Variants in MTARC1 observed in about 807,000 individuals in gnomAD.
MTARC1 encodes mitochondrial amidoxime reducing component 1, also known as mitochondrial amidoxime-reducing component 1.
MTARC1 carries 24 observed loss-of-function variants against 33.6 expected under a neutral mutation model. The observed-to-expected ratio is 0.72, with a 90% CI of 0.52 to 1.01. MTARC1 has a LOEUF of 1.01. Ranked by LOEUF, MTARC1 falls within the 50% of genes least tolerant of loss-of-function variation. MTARC1 has a pLI of 0.00. For synonymous variants in MTARC1, 187 were observed against 189.5 expected, an observed-to-expected ratio of 0.99 and a Z score of 0.11; for missense variants, 417 against 445.7, an observed-to-expected ratio of 0.94 and a Z score of 0.58.
Position 220,789,646 on chromosome 1 carries a change from A to G in MTARC1, c.276-1845A>G, listed in dbSNP as rs116362796. Among the ~76,000 whole-genome samples the G allele has an allele frequency of 3.5e-3, 536 of 152,358 alleles. 1 individual carries two copies. The highest frequency in any genetic ancestry group is 0.01 in the Middle Eastern group (3 of 294). Reference sequence around the variant, plus strand: ...ATTATGATGTTATTCACAGTAGCCAAAAGGTGGAAACAACTAAGTGTCCAT... The same window carrying G: ...ATTATGATGTTATTCACAGTAGCCAGAAGGTGGAAACAACTAAGTGTCCAT... On this transcript the variant is annotated intron_variant, in intron 1 of 6. Coordinates refer to ENST00000366910, the MANE Select transcript of MTARC1 (RefSeq NM_022746.4).
In MTARC1 at chr1:220,815,999, G is replaced by C. The variant is rs934443812; in HGVS notation, c.*2581G>C. 1 of 152,278 alleles carries C rather than the reference G, an allele frequency of 6.6e-6. No homozygotes were observed. Among genetic ancestry groups the C allele is most frequent in the African/African-American group, 2.4e-5 (1 of 41,452 alleles). The allele number at this position is 152,278 out of a possible 1,614,324, so 9.4% of individuals were successfully genotyped here. A position where few individuals can be genotyped will look rare whatever the true frequency, so the allele number is the denominator to read the frequency against. ...AGAAACTTCCAACCGAAAGACGAGG[G>C]CAGCAACTTATACACACGAAGGCAG... On this transcript the variant is annotated 3_prime_UTR_variant, in exon 7 of 7. Transcript: ENST00000366910.
chr1:220,804,737 C>T (rs1434574744), intron 4 of MTARC1, among the ~76,000 whole-genome samples: 1 of 144,474 alleles, frequency 6.9e-6, no homozygotes, highest in Non-Finnish European at 1.5e-5. Context: ...ACTTTGTGCA[C>T]CCCACCCCCC....
At chr1:220,808,273 G>C (rs538971592) in intron 6 of MTARC1, among the ~76,000 whole-genome samples, 3 of 152,346 alleles carry the variant, frequency 2.0e-5, no homozygotes, top group South Asian at 4.1e-4. Flanking sequence ...CCTAAACACA[G>C]AGTGAGGGTG....
At chr1:220,787,295 A>T in intron 1 of MTARC1, 76 bp downstream of exon 1, 1 of 1,430,882 alleles carries the variant, frequency 7.0e-7, no homozygotes, top group Non-Finnish European at 9.1e-7. Flanking sequence ...AGCGCAGGGG[A>T]GGTCTGCAGA....
intron 2 of MTARC1, among the ~76,000 whole-genome samples, chr1:220,791,893 T>C (rs1171074504): frequency 1.3e-5 from 2 of 152,132 alleles, no homozygotes; most frequent in Non-Finnish European, 1.5e-5. Context: ...GAAAGTGCTA[T>C]GTAGAAACCC....
chr1:220,800,622 C>T (rs1672762727), intron 4 of MTARC1, among the ~76,000 whole-genome samples: 1 of 151,820 alleles, frequency 6.6e-6, no homozygotes, highest in South Asian at 2.1e-4. Flanking sequence ...GTTTTTAAGA[C>T]CTTCTCTGCC....
intron 6 of MTARC1, among the ~76,000 whole-genome samples, chr1:220,810,618 C>G (rs540917992): frequency 6.6e-6 from 1 of 152,254 alleles, no homozygotes; most frequent in Non-Finnish European, 1.5e-5. Context: ...GAGGGGCAGC[C>G]GCTCTTTACG....
chr1:220,817,744 C>T lies in MTARC1; in HGVS notation c.*4326C>T, dbSNP rs1673310976. 1 of 152,250 alleles carries T rather than the reference C, an allele frequency of 6.6e-6. No homozygotes were observed. 9.4% of individuals were successfully genotyped at this position (152,250 alleles called of 1,614,324 possible). Reference sequence around the variant, plus strand: ...GGACTACAGGTGCACACCACCACACCCAGCTAATTTTTGTATTTTTAGTAG... The same window carrying T: ...GGACTACAGGTGCACACCACCACACTCAGCTAATTTTTGTATTTTTAGTAG... On this transcript the variant is annotated 3_prime_UTR_variant, in exon 7 of 7. Coordinates refer to ENST00000366910, the MANE Select transcript of MTARC1 (RefSeq NM_022746.4).
At chr1:220,804,720 C>A (rs1047776477) in intron 4 of MTARC1, among the ~76,000 whole-genome samples, 2 of 151,016 alleles carry the variant, frequency 1.3e-5, no homozygotes, top group African/African-American at 4.9e-5. Flanking sequence ...TTTCACCCAC[C>A]CCATTCACTT....
At chr1:220,802,424 C>T (rs1275152005) in intron 4 of MTARC1, among the ~76,000 whole-genome samples, 5 of 152,216 alleles carry the variant, frequency 3.3e-5, no homozygotes, top group Non-Finnish European at 5.9e-5. Flanking sequence ...CTCCGCCTCC[C>T]GGATTCAAGC....
Position 220,797,969 on chromosome 1 carries a change from C to T in MTARC1, c.708C>T (p.Asn236=), listed in dbSNP as rs1672674635. 3 of 1,614,218 alleles carry T rather than the reference C, an allele frequency of 1.9e-6. No individual in the cohort carries two copies. The highest frequency in any genetic ancestry group is 2.5e-6 in the Non-Finnish European group (3 of 1,180,038). ...SRLEKKVKAT[N]FRPNIVISGC... ...TAGAGAAGAAAGTTAAAGCAACCAA[C>T]TTCAGGCCCAATATTGTAATTTCAG... Residue 236 remains asparagine (N), a synonymous_variant, in exon 4 of 7, where the codon AAC becomes AAT. Coordinates refer to ENST00000366910, the MANE Select transcript of MTARC1 (RefSeq NM_022746.4).
intron 6 of MTARC1, among the ~76,000 whole-genome samples, chr1:220,809,584 T>C (rs1273177910): frequency 6.6e-6 from 1 of 152,152 alleles, no homozygotes; most frequent in African/African-American, 2.4e-5. Flanking sequence ...ATCTCAGCTC[T>C]CTGCAACCTC....
chr1:220,798,872 C>T (rs1672700684), intron 4 of MTARC1: 1 of 985,304 alleles, frequency 1.0e-6, no homozygotes, highest in Non-Finnish European at 1.2e-6. Flanking sequence ...AACCTTTTAT[C>T]CTCAGAGGAG....
At position 220,796,742 on chromosome 1, in the gene MTARC1, C is replaced by G. The variant is rs201107986; in HGVS notation, c.549C>G (p.Phe183Leu). 9.9e-6 allele frequency: 16 copies of G among 1,612,720 alleles called. No homozygotes were observed. The African/African-American group carries it at 1.9e-4, about 19-fold the overall frequency. ...LKSQPYRLVH[F>L]EPHMRPRRPH... ...CACAGCCCTACCGCCTGGTGCACTT[C>G]GAGCCTCACATGCGACCGAGACGTC... The change falls in exon 3 of 7, where the codon TTC becomes TTG. Residue 183 changes from phenylalanine (F) to leucine (L), a missense_variant. Coordinates refer to ENST00000366910, the MANE Select transcript of MTARC1 (RefSeq NM_022746.4).
chr1:220,801,345 GC>G (rs35034116), intron 4 of MTARC1, among the ~76,000 whole-genome samples: 20,961 of 150,970 alleles, frequency 0.14, 1,425 homozygotes, highest in South Asian at 0.18. Context: ...CGCTCACCCA[GC>G]CCCCCCCACA....
chr1:220,799,663 C>G (rs868840182), intron 4 of MTARC1, among the ~76,000 whole-genome samples: 2 of 152,142 alleles, frequency 1.3e-5, no homozygotes, highest in South Asian at 4.1e-4. Context: ...GTGGCCTGCC[C>G]TAGGCTATAC....
chr1:220,793,604 G>A (rs570430554), intron 2 of MTARC1: 4 of 152,262 alleles, frequency 2.6e-5, no homozygotes, highest in East Asian at 3.9e-4. Flanking sequence ...CGCTGGGGTC[G>A]TGATCACAGG....
chr1:220,788,863 C>T (rs995693218), intron 1 of MTARC1, among the ~76,000 whole-genome samples: 3 of 151,996 alleles, frequency 2.0e-5, no homozygotes, highest in Non-Finnish European at 1.5e-5. Context: ...TTGTAGGCCC[C>T]AGAGGCAAAG....
chr1:220,803,499 GC>G (rs1672876648), intron 4 of MTARC1, among the ~76,000 whole-genome samples: 1 of 152,118 alleles, frequency 6.6e-6, no homozygotes, highest in Non-Finnish European at 1.5e-5. Flanking sequence ...TTCTCTAAAA[GC>G]CTGGATTAAA....
Sources: gnomAD v4.1 joint callset for allele counts (sites outside exome capture counted in the v4.1 genomes callset) on GRCh38, gnomAD v4.1.1 for gene constraint, MANE v1.5 for transcripts, NCBI Gene and HGNC (gene_info 2026-07-23, HGNC 2026-07-21) for gene names.